The following CBFA2T3 variants were observed in gnomAD, a reference collection of about 807,000 sequenced individuals.
The protein encoded by CBFA2T3 is transcriptional corepressor CBFA2T3.
In CBFA2T3, 31 loss-of-function variants were observed where a neutral mutation model predicts 58.6. That is an observed-to-expected ratio of 0.53 (90% CI 0.40 to 0.71). CBFA2T3 has a LOEUF of 0.71. Among genes scored for constraint, CBFA2T3 ranks in the 30% least tolerant of loss-of-function variants. The pLI, the probability that CBFA2T3 is intolerant of heterozygous loss-of-function variation, is 0.00. For synonymous variants in CBFA2T3, 531 were observed against 421.9 expected, an observed-to-expected ratio of 1.26 and a Z score of -3.17; for missense variants, 1,076 against 963.1, an observed-to-expected ratio of 1.12 and a Z score of -1.55.
At chr16:88,922,044 G>T (rs1349402543) in intron 1 of CBFA2T3, among the ~76,000 whole-genome samples, 1 of 152,248 alleles carries the variant, frequency 6.6e-6, no homozygotes, top group Non-Finnish European at 1.5e-5. Flanking sequence ...TGAGCCCAGG[G>T]CTCTGATTTC....
intron 1 of CBFA2T3, among the ~76,000 whole-genome samples, chr16:88,926,648 G>C (rs1971094165): frequency 1.3e-5 from 2 of 152,222 alleles, no homozygotes; most frequent in African/African-American, 2.4e-5. Flanking sequence ...GGAGGCCCGA[G>C]GGCAGGATCT....
At chr16:88,897,876 G>A (rs1327272784) in intron 3 of CBFA2T3, among the ~76,000 whole-genome samples, 1 of 152,254 alleles carries the variant, frequency 6.6e-6, no homozygotes, top group Non-Finnish European at 1.5e-5. Flanking sequence ...CGGAGGGTCT[G>A]TGGGATGCAG....
intron 1 of CBFA2T3, among the ~76,000 whole-genome samples, chr16:88,928,141 G>A (rs1190188389): frequency 2.7e-5 from 4 of 150,940 alleles, no homozygotes; most frequent in Admixed American, 6.6e-5. Context: ...GCTCTGTTCC[G>A]ACTCCTTGGC....
chr16:88,896,534 CGCTGCCGAGTT>C (rs1294421572), intron 3 of CBFA2T3, among the ~76,000 whole-genome samples: 3 of 152,198 alleles, frequency 2.0e-5, no homozygotes, highest in Admixed American at 1.3e-4. Context: ...GACCCCACCG[CGCTGCCGAGTT>C]TCCCTCTCAA....
intron 3 of CBFA2T3, among the ~76,000 whole-genome samples, chr16:88,893,089 C>T (rs1480048728): frequency 2.6e-5 from 4 of 152,154 alleles, no homozygotes; most frequent in Non-Finnish European, 2.9e-5. Flanking sequence ...AGAAGTCGCT[C>T]ATCCCCCGAA....
chr16:88,899,453 C>A (rs1010299802), intron 2 of CBFA2T3, among the ~76,000 whole-genome samples: 1 of 152,212 alleles, frequency 6.6e-6, no homozygotes, highest in Non-Finnish European at 1.5e-5. Flanking sequence ...TCTTTCATAA[C>A]CTTCACGCTC....
chr16:88,904,516 GCCT>G (rs1280928243), intron 1 of CBFA2T3, among the ~76,000 whole-genome samples: 1 of 152,220 alleles, frequency 6.6e-6, no homozygotes, highest in African/African-American at 2.4e-5. Context: ...CAACACGCTT[GCCT>G]CCTTTTAGGC....
intron 3 of CBFA2T3, among the ~76,000 whole-genome samples, chr16:88,893,926 G>A (rs1969755729): frequency 6.6e-6 from 1 of 152,170 alleles, no homozygotes; most frequent in Non-Finnish European, 1.5e-5. Flanking sequence ...GAGGTCACAG[G>A]GCTCCCAAGT....
chr16:88,976,540 C>A (rs747941524), intron 1 of CBFA2T3, 117 bp downstream of exon 1: 3 of 744,708 alleles, frequency 4.0e-6, no homozygotes, highest in Non-Finnish European at 4.4e-6. Flanking sequence ...CACGGCCATC[C>A]GTGCCGGCAC....
intron 1 of CBFA2T3, among the ~76,000 whole-genome samples, chr16:88,967,371 C>T (rs1567639648): frequency 6.6e-6 from 1 of 152,116 alleles, no homozygotes; most frequent in Non-Finnish European, 1.5e-5. Context: ...CTGGGAGCGA[C>T]GGGGACGGGG....
intron 7 of CBFA2T3, 125 bp from the exon 8 acceptor site, chr16:88,882,886 G>A: frequency 1.4e-6 from 1 of 695,038 alleles, no homozygotes; most frequent in Non-Finnish European, 2.6e-6. Context: ...CGATGGACAG[G>A]GTAACCGAAG....
intron 7 of CBFA2T3, chr16:88,884,839 G>A (rs1320268918): frequency 6.3e-6 from 3 of 475,682 alleles, no homozygotes; most frequent in Non-Finnish European, 1.1e-5. Flanking sequence ...CACCCCGGGG[G>A]GAGAGGTGGG....
At position 88,892,241 on chromosome 16, in the gene CBFA2T3, C is replaced by T. The variant is rs1360168372; in HGVS notation, c.621+3G>A. On this transcript the variant is annotated splice_donor_region_variant and intron_variant, in intron 4 of 11. Transcript: ENST00000268679. ...AGGCCCCGGCTGTCCCTGCCCAACT[C>T]ACCACCAGGCCCAGCACCAGTGTGC... 1.2e-6 allele frequency: 2 copies of T among 1,606,532 alleles called. No individual in the cohort carries two copies. Among genetic ancestry groups the T allele is most frequent in the Non-Finnish European group, 1.7e-6 (2 of 1,177,832 alleles).
intron 1 of CBFA2T3, chr16:88,941,295 G>T (rs1216817112): frequency 2.3e-6 from 1 of 441,114 alleles, no homozygotes; most frequent in African/African-American, 2.2e-5. Flanking sequence ...GGCCCGCGCC[G>T]GGTCCAGCCG....
chr16:88,899,150 C>T (rs974361949), intron 2 of CBFA2T3, among the ~76,000 whole-genome samples: 3 of 148,640 alleles, frequency 2.0e-5, no homozygotes, highest in African/African-American at 7.5e-5. Flanking sequence ...AGAGAAACTT[C>T]GGCCCTCAAG....
chr16:88,948,612 CCT>C (rs1971967129), intron 1 of CBFA2T3, among the ~76,000 whole-genome samples: 1 of 152,244 alleles, frequency 6.6e-6, no homozygotes, highest in South Asian at 2.1e-4. Context: ...GGCTTTCTCC[CCT>C]GACTCACATC....
At chr16:88,877,335 C>T (rs1001785162) in intron 11 of CBFA2T3, 60 bp from the exon 12 acceptor site, 33 of 1,395,236 alleles carry the variant, frequency 2.4e-5, no homozygotes, top group Middle Eastern at 2.4e-4. Flanking sequence ...CCCCAACACA[C>T]GCCTCAACCA....
intron 1 of CBFA2T3, among the ~76,000 whole-genome samples, chr16:88,923,771 G>C (rs1970998927): frequency 6.6e-6 from 1 of 152,206 alleles, no homozygotes; most frequent in Non-Finnish European, 1.5e-5. Flanking sequence ...GGGCTCCTGG[G>C]CTGGACACCG....
intron 1 of CBFA2T3, among the ~76,000 whole-genome samples, chr16:88,902,818 G>A (rs1970151681): frequency 6.6e-6 from 1 of 152,102 alleles, no homozygotes; most frequent in Admixed American, 6.5e-5. Flanking sequence ...CTGAATACCG[G>A]ACTGCCCCGC....
Sources: gnomAD v4.1 joint callset for allele counts (sites outside exome capture counted in the v4.1 genomes callset) on GRCh38, gnomAD v4.1.1 for gene constraint, MANE v1.5 for transcripts, NCBI Gene and HGNC (gene_info 2026-07-23, HGNC 2026-07-21) for gene names.